Variants in RBFOX1 observed in about 807,000 individuals in gnomAD.
RBFOX1 encodes RNA binding protein fox-1 homolog 1.
Under a neutral mutation model 57.7 loss-of-function variants are expected in RBFOX1, and 8 were observed. That is an observed-to-expected ratio of 0.14 (90% CI 0.08 to 0.25). The LOEUF is 0.25. RBFOX1 is among the 10% of genes least tolerant of loss of function. The pLI, the probability that RBFOX1 is intolerant of heterozygous loss-of-function variation, is 1.00. For missense variants in RBFOX1, 611 were observed against 548.5 expected, an observed-to-expected ratio of 1.11 and a Z score of -1.14; for synonymous variants, 326 against 222.4, an observed-to-expected ratio of 1.47 and a Z score of -4.15.
intron 1 of RBFOX1, among the ~76,000 whole-genome samples, chr16:5,339,006 CT>C (rs111547106): frequency 3.0e-4 from 44 of 148,666 alleles, no homozygotes; most frequent in Middle Eastern, 3.5e-3. Context: ...AATTACCTCA[CT>C]TTTTTTTTTG....
At chr16:5,343,640 C>A (rs1175624371) in intron 1 of RBFOX1, among the ~76,000 whole-genome samples, 1 of 152,058 alleles carries the variant, frequency 6.6e-6, no homozygotes, top group Non-Finnish European at 1.5e-5. Context: ...AAGTTTTAAC[C>A]ATTATTTTCT....
At chr16:5,747,286 C>T (rs1376817764) in intron 3 of RBFOX1, among the ~76,000 whole-genome samples, 7 of 152,144 alleles carry the variant, frequency 4.6e-5, no homozygotes, top group African/African-American at 1.2e-4. Flanking sequence ...TTCAGTTTGC[C>T]AGTATTTTAT....
At chr16:6,446,997 T>C (rs2094497755) in intron 2 of RBFOX1, among the ~76,000 whole-genome samples, 2 of 152,202 alleles carry the variant, frequency 1.3e-5, no homozygotes, top group Admixed American at 6.6e-5. Context: ...GAATGAAAAA[T>C]ACATTTTCAC....
Position 7,088,229 on chromosome 16 carries a change from A to C in RBFOX1, c.27+36131A>C, listed in dbSNP as rs186430046. Among the ~76,000 whole-genome samples the C allele has an allele frequency of 2.3e-3, 348 of 152,352 alleles. 2 individuals are homozygous for C. The highest frequency in any genetic ancestry group is 8.1e-3 in the African/African-American group (337 of 41,574). ...AAAAGGTCTAGGGAAGTCGGGTTAG[A>C]CATGAAGCAAATCCTACATCACTTG... On this transcript the variant is annotated intron_variant, in intron 4 of 15. Coordinates refer to ENST00000550418, the MANE Select transcript of RBFOX1 (RefSeq NM_018723.4).
At chr16:6,989,539 C>T (rs1467267154) in intron 3 of RBFOX1, among the ~76,000 whole-genome samples, 4 of 152,064 alleles carry the variant, frequency 2.6e-5, no homozygotes, top group Non-Finnish European at 4.4e-5. Context: ...TCAATTTATA[C>T]GTAGTACCAG....
chr16:7,094,509 C>A (rs1483344109), intron 4 of RBFOX1, among the ~76,000 whole-genome samples: 1 of 152,080 alleles, frequency 6.6e-6, no homozygotes, highest in Non-Finnish European at 1.5e-5. Context: ...TCATTGCTTT[C>A]TTTGCATTCC....
intron 1 of RBFOX1, among the ~76,000 whole-genome samples, chr16:6,286,280 A>T (rs1051045285): frequency 1.5e-4 from 23 of 152,304 alleles, no homozygotes; most frequent in African/African-American, 5.5e-4. Context: ...TAAATGTATC[A>T]TTAAAGACAC....
chr16:6,193,301 G>A (rs2097153553), intron 1 of RBFOX1, among the ~76,000 whole-genome samples: 1 of 143,490 alleles, frequency 7.0e-6, no homozygotes, highest in African/African-American at 2.6e-5. Context: ...TCTCTTCGTG[G>A]GAGTTAAGAA....
chr16:5,495,613 G>A (rs1332567739), intron 2 of RBFOX1, among the ~76,000 whole-genome samples: 2 of 152,188 alleles, frequency 1.3e-5, no homozygotes, highest in African/African-American at 2.4e-5. Context: ...GGCCAAGCTG[G>A]CTAAGACCAA....
intron 3 of RBFOX1, among the ~76,000 whole-genome samples, chr16:6,969,262 T>C (rs2084977874): frequency 6.6e-6 from 1 of 152,164 alleles, no homozygotes; most frequent in Non-Finnish European, 1.5e-5. Context: ...TTGGAGATTA[T>C]GGATTTTAAA....
intron 3 of RBFOX1, among the ~76,000 whole-genome samples, chr16:6,858,194 T>G (rs8051053): frequency 0.26 from 40,137 of 152,172 alleles, 5,744 homozygotes; most frequent in Admixed American, 0.39. Flanking sequence ...AAGTGTCCTT[T>G]TCAAAGTGTT....
chr16:6,377,777 T>C (rs2091357483), intron 2 of RBFOX1, among the ~76,000 whole-genome samples: 1 of 152,226 alleles, frequency 6.6e-6, no homozygotes, highest in African/African-American at 2.4e-5. Context: ...ATCAGGAATG[T>C]AATTTTAGAT....
intron 2 of RBFOX1, among the ~76,000 whole-genome samples, chr16:5,597,881 A>C (rs2047239244): frequency 6.6e-6 from 1 of 152,192 alleles, no homozygotes; most frequent in South Asian, 2.1e-4. Context: ...AACCCTGCTG[A>C]GTGCTGTGTT....
chr16:5,622,447 C>A (rs1286211370), intron 3 of RBFOX1, among the ~76,000 whole-genome samples: 1 of 152,302 alleles, frequency 6.6e-6, no homozygotes, highest in African/African-American at 2.4e-5. Context: ...TAAATAATTG[C>A]TGGATGAATA....
chr16:7,707,453 G>A (rs541544056), intron 14 of RBFOX1, among the ~76,000 whole-genome samples: 2 of 152,182 alleles, frequency 1.3e-5, no homozygotes, highest in African/African-American at 2.4e-5. Flanking sequence ...AGGGATGAGA[G>A]ACGAGCTGAA....
chr16:6,580,838 C>G lies in RBFOX1; in HGVS notation c.-63-73765C>G, dbSNP rs576467701. On this transcript the variant is annotated intron_variant, in intron 2 of 15. Coordinates refer to ENST00000550418, the MANE Select transcript of RBFOX1 (RefSeq NM_018723.4). Reference sequence around the variant, plus strand: ...AAAGACTAAGACCCTCAAAACATGTCAAGTGTTAACCGATGCCTAAATGGA... The same window carrying G: ...AAAGACTAAGACCCTCAAAACATGTGAAGTGTTAACCGATGCCTAAATGGA... Among the ~76,000 whole-genome samples the G allele has an allele frequency of 2.6e-5, 4 of 151,590 alleles. No individual in the cohort carries two copies. The South Asian group carries it at 8.4e-4, about 32-fold the overall frequency.
intron 4 of RBFOX1, among the ~76,000 whole-genome samples, chr16:7,211,654 A>G (rs569424872): frequency 4.6e-5 from 7 of 152,232 alleles, no homozygotes; most frequent in African/African-American, 1.7e-4. Context: ...TTTCCAGGAG[A>G]AAATGAACAA....
At chr16:5,453,536 C>T (rs2068492660) in intron 1 of RBFOX1, among the ~76,000 whole-genome samples, 1 of 152,130 alleles carries the variant, frequency 6.6e-6, no homozygotes, top group African/African-American at 2.4e-5. Flanking sequence ...AATGACCCCA[C>T]ATGGGTCAGG....
At chr16:6,871,954 T>C (rs2060977505) in intron 3 of RBFOX1, among the ~76,000 whole-genome samples, 1 of 150,242 alleles carries the variant, frequency 6.7e-6, no homozygotes, top group Non-Finnish European at 1.5e-5. Context: ...TGTGTGTGTG[T>C]GTGTGTGTTT....
Sources: allele counts gnomAD v4.1 joint callset (sites outside exome capture counted in the v4.1 genomes callset), GRCh38; gene constraint gnomAD v4.1.1; transcripts MANE v1.5; gene names NCBI Gene and HGNC (gene_info 2026-07-23, HGNC 2026-07-21).